The following CFAP97 variants were observed in gnomAD, a reference collection of about 807,000 sequenced individuals.
CFAP97 encodes the protein cilia- and flagella-associated protein 97.
CFAP97 carries 36 observed loss-of-function variants against 43.1 expected under a neutral mutation model. The ratio of observed to expected loss-of-function variants is 0.84; its 90% confidence interval spans 0.64 to 1.10. The LOEUF (loss-of-function observed/expected upper bound fraction) is 1.10. Ranked by LOEUF, CFAP97 falls within the 50% of genes least tolerant of loss-of-function variation. CFAP97 has a pLI of 0.00. For synonymous variants in CFAP97, 228 were observed against 225.7 expected, an observed-to-expected ratio of 1.01 and a Z score of -0.09; for missense variants, 657 against 620.3, an observed-to-expected ratio of 1.06 and a Z score of -0.63.
At chr4:185,209,566 C>T (rs1737390605), upstream of CFAP97, 5 of 253,402 alleles carry the variant, frequency 2.0e-5, no homozygotes, top group Non-Finnish European at 3.1e-5. This position sits in a 1 kb window ranked among gnomAD's most constrained non-coding sequence, Gnocchi z 5.2. Context: ...CAGGGCGGCC[C>T]CGCCCCGCCC....
chr4:185,208,688 A>G (rs1737315984), upstream of CFAP97, among the ~76,000 whole-genome samples: 1 of 152,060 alleles, frequency 6.6e-6, no homozygotes, highest in African/African-American at 2.4e-5. Context: ...AGATCGCCCC[A>G]CTGCACTCCA....
chr4:185,164,155 C>A lies in CFAP97; in HGVS notation c.1345G>T (p.Val449Leu). ...NLALLKRLEA[V>L]KPTVGMKRSE... ...CGTTTCATACCAACTGTTGGTTTCACGGCCTCAAGCCTTTTCAATAAAGCC... is the reference window on the plus strand; with the variant it reads ...CGTTTCATACCAACTGTTGGTTTCAAGGCCTCAAGCCTTTTCAATAAAGCC... Residue 449 changes from valine (V) to leucine (L), a missense_variant, in exon 4 of 5, where the codon GTG (valine) becomes TTG (leucine). Val to Leu is a conservative substitution (Grantham distance 32). Coordinates refer to ENST00000458385, the MANE Select transcript of CFAP97 (RefSeq NM_020827.3). 6.2e-7 allele frequency: 1 copy of A among 1,613,798 alleles called. No homozygotes were observed. Among genetic ancestry groups the A allele is most frequent in the Non-Finnish European group, 8.5e-7 (1 of 1,179,812 alleles).
chr4:185,178,497 G>A (rs772358522), intron 2 of CFAP97, among the ~76,000 whole-genome samples: 3 of 151,804 alleles, frequency 2.0e-5, no homozygotes, highest in African/African-American at 7.3e-5. Context: ...CACCTGCCTC[G>A]GCCTCCCAAA....
chr4:185,200,840 A>G (rs2111426513), intron 1 of CFAP97, among the ~76,000 whole-genome samples: 1 of 152,354 alleles, frequency 6.6e-6, no homozygotes, highest in East Asian at 1.9e-4. Flanking sequence ...CTGCAATCTC[A>G]CAATAAAACT....
intron 1 of CFAP97, among the ~76,000 whole-genome samples, chr4:185,195,870 C>T (rs911957140): frequency 3.9e-5 from 6 of 152,128 alleles, no homozygotes; most frequent in Non-Finnish European, 8.8e-5. Context: ...AGATAATTCA[C>T]CTTTGAAAAC....
At chr4:185,203,293 C>T (rs1185038866) in intron 1 of CFAP97, among the ~76,000 whole-genome samples, 1 of 152,202 alleles carries the variant, frequency 6.6e-6, no homozygotes, top group Non-Finnish European at 1.5e-5. Context: ...TCCTACAGAC[C>T]AGCAATAACA....
At chr4:185,169,857 C>T (rs552966880) in intron 3 of CFAP97, 86 of 985,570 alleles carry the variant, frequency 8.7e-5, no homozygotes, top group East Asian at 2.3e-4. Flanking sequence ...CTTTCTTCAA[C>T]GGAAGGAGAT....
At chr4:185,169,899 CAATGA>C (rs1424318009) in intron 3 of CFAP97, 8 of 987,764 alleles carry the variant, frequency 8.1e-6, no homozygotes, top group East Asian at 1.1e-4. Context: ...AAGGAAACCC[CAATGA>C]AGTAAAGTAT....
intron 3 of CFAP97, chr4:185,169,898 C>T: frequency 1.0e-6 from 1 of 987,622 alleles, no homozygotes; most frequent in Non-Finnish European, 1.2e-6. Flanking sequence ...GAAGGAAACC[C>T]CAATGAAGTA....
chr4:185,208,745 G>A (rs554056123), upstream of CFAP97, among the ~76,000 whole-genome samples: 1 of 151,850 alleles, frequency 6.6e-6, no homozygotes, highest in Non-Finnish European at 1.5e-5. Flanking sequence ...AAAAAAGAAA[G>A]AAAGAAAGAA....
intron 1 of CFAP97, among the ~76,000 whole-genome samples, chr4:185,193,202 C>G (rs1736379300): frequency 6.6e-6 from 1 of 152,064 alleles, no homozygotes; most frequent in South Asian, 2.1e-4. Context: ...AACAGAGGAT[C>G]AGTTTAAAGG....
chr4:185,210,054 C>T, upstream of CFAP97: 1 of 983,274 alleles, frequency 1.0e-6, no homozygotes, highest in African/African-American at 1.8e-5. The surrounding 1 kb of genome is among the most constrained non-coding windows in gnomAD (Gnocchi z 4.4). Context: ...TCCTGGGGCC[C>T]GGCAGCGGGG....
At position 185,189,358 on chromosome 4, in the gene CFAP97, C is replaced by T. The variant is rs559504310; in HGVS notation, c.1054+785G>A. ...TATGCCCTTACATTGCTACCATATG[C>T]AATTTATCTAGTTAAAGACTAACAT... On this transcript the variant is annotated intron_variant, in intron 2 of 4. Coordinates refer to ENST00000458385, the MANE Select transcript of CFAP97 (RefSeq NM_020827.3). 4.6e-5 allele frequency among the ~76,000 whole-genome samples: 7 copies of T among 152,302 alleles called. No individual in the cohort carries two copies. In the East Asian group the frequency reaches 1.4e-3, roughly 29 times the overall value.
chr4:185,197,718 G>A (rs1020040134), intron 1 of CFAP97, among the ~76,000 whole-genome samples: 5 of 152,038 alleles, frequency 3.3e-5, no homozygotes, highest in South Asian at 2.1e-4. Flanking sequence ...GAGCCACCGC[G>A]AAAAGTTTAA....
At chr4:185,189,067 T>A (rs909272271) in intron 2 of CFAP97, among the ~76,000 whole-genome samples, 15 of 152,032 alleles carry the variant, frequency 9.9e-5, no homozygotes, top group African/African-American at 3.6e-4. Context: ...TGAAACCTCA[T>A]CTCTACAAAA....
intron 3 of CFAP97, chr4:185,169,897 C>T (rs1305145528): frequency 4.1e-6 from 4 of 987,354 alleles, no homozygotes; most frequent in East Asian, 2.2e-4. Context: ...AGAAGGAAAC[C>T]CCAATGAAGT....
At position 185,160,410 on chromosome 4, in the gene CFAP97, T is replaced by A. The variant is rs950729691; in HGVS notation, c.*2388A>T. The A allele has an allele frequency of 8.6e-6, 1 of 116,546 alleles. No individual in the cohort carries two copies. The highest frequency in any genetic ancestry group is 8.3e-5 in the Admixed American group (1 of 12,016). 7.2% of individuals were successfully genotyped at this position (116,546 alleles called of 1,614,324 possible). A position where few individuals can be genotyped will look rare whatever the true frequency, so the allele number is the denominator to read the frequency against. The stretch of plus-strand genomic sequence containing the variant: ...AAAATAGTGCCAGACCATCCTTTAC[T>A]TTTTCATGTCCTTGAAATGAGAAGA... On this transcript the variant is annotated 3_prime_UTR_variant, in exon 5 of 5. Transcript: ENST00000458385.
chr4:185,172,873 C>T (rs6552870), intron 3 of CFAP97, among the ~76,000 whole-genome samples: 70,515 of 138,508 alleles, frequency 0.51, 18,185 homozygotes, highest in Middle Eastern at 0.65. Flanking sequence ...AAAAAAAAAG[C>T]ATTGGCTCAC....
upstream of CFAP97, among the ~76,000 whole-genome samples, chr4:185,205,908 A>G (rs1737168619): frequency 6.6e-6 from 1 of 152,220 alleles, no homozygotes; most frequent in Non-Finnish European, 1.5e-5. Flanking sequence ...AAATATACCA[A>G]TGGCCAATAA....
Sources: gnomAD v4.1 joint callset for allele counts (sites outside exome capture counted in the v4.1 genomes callset) on GRCh38, gnomAD v4.1.1 for gene constraint, Gnocchi (gnomAD v3.1) non-coding constraint, MANE v1.5 for transcripts, NCBI Gene and HGNC (gene_info 2026-07-23, HGNC 2026-07-21) for gene names.